Variants in RAB38 observed in about 807,000 individuals in gnomAD.
RAB38 encodes the protein RAB38, member RAS oncogene family.
Under a neutral mutation model 18.4 loss-of-function variants are expected in RAB38, and 15 were observed. The ratio of observed to expected loss-of-function variants is 0.82; its 90% CI spans 0.55 to 1.26. RAB38 has a LOEUF of 1.26. Ranked by LOEUF, RAB38 falls within the 50% of genes most tolerant of loss-of-function variation. RAB38 has a pLI of 0.00. For synonymous variants in RAB38, 101 were observed against 104.4 expected, an observed-to-expected ratio of 0.97 and a Z score of 0.20; for missense variants, 294 against 267.4, an observed-to-expected ratio of 1.10 and a Z score of -0.69.
chr11:88,057,777 A>G, the RAB38 span, among the ~76,000 whole-genome samples: 1 of 152,116 alleles, frequency 6.6e-6, no homozygotes, highest in Non-Finnish European at 1.5e-5. Flanking sequence ...GGAATTTGTT[A>G]TCTGTACCTG....
At chr11:87,925,709 T>A in the RAB38 span, among the ~76,000 whole-genome samples, 1 of 151,944 alleles carries the variant, frequency 6.6e-6, no homozygotes, top group Non-Finnish European at 1.5e-5. Flanking sequence ...AGTGGGCAAA[T>A]GTTATAGAAG....
the RAB38 span, among the ~76,000 whole-genome samples, chr11:88,048,690 A>T: frequency 6.6e-6 from 1 of 152,084 alleles, no homozygotes; most frequent in Non-Finnish European, 1.5e-5. Context: ...CTGTCTAGCC[A>T]TACTTCTATT....
the RAB38 span, among the ~76,000 whole-genome samples, chr11:87,843,859 C>A: frequency 6.6e-6 from 1 of 152,104 alleles, no homozygotes; most frequent in East Asian, 1.9e-4. Flanking sequence ...AATGTAAATT[C>A]TCTGTCTTTT....
the RAB38 span, among the ~76,000 whole-genome samples, chr11:88,106,217 A>C: frequency 6.6e-6 from 1 of 152,118 alleles, no homozygotes; most frequent in Non-Finnish European, 1.5e-5. Flanking sequence ...TATATTAAGC[A>C]CTATGCATTT....
the RAB38 span, among the ~76,000 whole-genome samples, chr11:88,076,956 CAAAAA>C: frequency 9.3e-5 from 4 of 42,912 alleles, no homozygotes; most frequent in African/African-American, 3.9e-4. Context: ...GAGACTCCAT[CAAAAA>C]AAAAAAAAAA....
intron 2 of RAB38, 59 bp downstream of exon 2, chr11:88,149,616 T>A: frequency 6.6e-7 from 1 of 1,514,598 alleles, no homozygotes; most frequent in Admixed American, 1.9e-5. Context: ...GTGATGATTA[T>A]GTGCCATTTT....
At chr11:87,815,889 A>C in the RAB38 span, 19 of 152,606 alleles carry the variant, frequency 1.2e-4, no homozygotes, top group Non-Finnish European at 1.3e-4. Flanking sequence ...CAGATGAAGA[A>C]TATTGAAGCA....
chr11:87,889,615 A>G, the RAB38 span, among the ~76,000 whole-genome samples: 1 of 151,890 alleles, frequency 6.6e-6, no homozygotes. Flanking sequence ...CTCTACAACA[A>G]AGGCATTTTC....
chr11:87,844,504 G>C, the RAB38 span, among the ~76,000 whole-genome samples: 1 of 152,160 alleles, frequency 6.6e-6, no homozygotes, highest in Non-Finnish European at 1.5e-5. Flanking sequence ...TGAAGGTACT[G>C]AGCTAGATAG....
At chr11:88,023,957 G>A in the RAB38 span, among the ~76,000 whole-genome samples, 1 of 152,122 alleles carries the variant, frequency 6.6e-6, no homozygotes, top group Non-Finnish European at 1.5e-5. Context: ...AGAAAACATT[G>A]AGGAAACTCT....
downstream of RAB38, among the ~76,000 whole-genome samples, chr11:88,112,839 C>T (rs1202247744): frequency 2.0e-5 from 3 of 151,814 alleles, no homozygotes; most frequent in South Asian, 6.3e-4. Context: ...GAGTGTATTA[C>T]AAATATTAAT....
the RAB38 span, among the ~76,000 whole-genome samples, chr11:87,882,738 C>T: frequency 1.5e-3 from 235 of 151,776 alleles, 1 homozygote; most frequent in Non-Finnish European, 2.7e-3. Flanking sequence ...TTTTTGTTGT[C>T]GGCAGTAAAA....
At chr11:88,067,972 C>CAT in the RAB38 span, among the ~76,000 whole-genome samples, 5 of 102,290 alleles carry the variant, frequency 4.9e-5, no homozygotes, top group South Asian at 6.3e-4. Context: ...TATATATACA[C>CAT]ATATATATAC....
chr11:87,948,160 G>T, the RAB38 span, among the ~76,000 whole-genome samples: 1 of 152,098 alleles, frequency 6.6e-6, no homozygotes, highest in Non-Finnish European at 1.5e-5. Context: ...TGAAGCAATT[G>T]TGAATGGGAG....
chr11:87,927,652 G>T, the RAB38 span, among the ~76,000 whole-genome samples: 1 of 151,876 alleles, frequency 6.6e-6, no homozygotes, highest in Admixed American at 6.6e-5. Context: ...TAGAAATTAA[G>T]GAAGAATACT....
chr11:88,083,057 A>G, the RAB38 span, among the ~76,000 whole-genome samples: 1 of 151,760 alleles, frequency 6.6e-6, no homozygotes, highest in African/African-American at 2.4e-5. Context: ...ATACGCTCCT[A>G]CTTCAAAGCT....
At chr11:87,927,969 T>G in the RAB38 span, among the ~76,000 whole-genome samples, 774 of 152,062 alleles carry the variant, frequency 5.1e-3, 5 homozygotes, top group Admixed American at 0.012. Context: ...TTTCAGGTAC[T>G]CGGGAGGCTG....
At chr11:88,013,840 G>C in the RAB38 span, among the ~76,000 whole-genome samples, 1 of 152,164 alleles carries the variant, frequency 6.6e-6, no homozygotes, top group Non-Finnish European at 1.5e-5. Context: ...TTGATTGAAA[G>C]CAGACATACT....
intron 2 of RAB38, among the ~76,000 whole-genome samples, chr11:88,128,084 T>C (rs568390884): frequency 1.3e-5 from 2 of 152,362 alleles, no homozygotes; most frequent in East Asian, 1.9e-4. Flanking sequence ...TCTGTGCTGA[T>C]ATCCATTACA....
Sources: gnomAD v4.1 joint callset for allele counts (sites outside exome capture counted in the v4.1 genomes callset) on GRCh38, gnomAD v4.1.1 for gene constraint, MANE v1.5 for transcripts, NCBI Gene and HGNC (gene_info 2026-07-23, HGNC 2026-07-21) for gene names.